The following NELL1 variants were observed in gnomAD, a reference collection of about 807,000 sequenced individuals.
NELL1 encodes protein kinase C-binding protein NELL1.
In NELL1, 76 loss-of-function variants were observed where a neutral mutation model predicts 107.4. The ratio of observed to expected loss-of-function variants is 0.71; its 90% CI spans 0.59 to 0.86. The LOEUF is 0.86. Among genes scored for constraint, NELL1 ranks in the 40% least tolerant of loss-of-function variants. The probability of loss-of-function intolerance (pLI) is 0.00; values close to 1 mark genes in which losing one functional copy is unlikely to be tolerated. For synonymous variants in NELL1, 353 were observed against 341.2 expected (o/e 1.03, Z -0.38); for missense variants, 1,024 against 1,005.5 (o/e 1.02, Z -0.25).
At chr11:21,527,958 A>C (rs1308664616) in intron 15 of NELL1, among the ~76,000 whole-genome samples, 1 of 152,234 alleles carries the variant, frequency 6.6e-6, no homozygotes, top group Non-Finnish European at 1.5e-5. Context: ...ATTGACTCAA[A>C]TGTTAATCTC....
intron 5 of NELL1, among the ~76,000 whole-genome samples, chr11:20,903,479 T>G (rs1260216105): frequency 6.6e-6 from 1 of 152,020 alleles, no homozygotes; most frequent in Non-Finnish European, 1.5e-5. Flanking sequence ...AACTGACACA[T>G]TTTTTTCACA....
At chr11:21,494,283 T>G (rs1283482918) in intron 15 of NELL1, among the ~76,000 whole-genome samples, 5 of 151,994 alleles carry the variant, frequency 3.3e-5, no homozygotes, top group Non-Finnish European at 7.4e-5. Flanking sequence ...AGAGCACTTG[T>G]AACGCATAAA....
intron 13 of NELL1, among the ~76,000 whole-genome samples, chr11:21,161,358 C>T (rs1856364832): frequency 6.6e-6 from 1 of 151,998 alleles, no homozygotes; most frequent in Admixed American, 6.6e-5. Flanking sequence ...GCCAACATAG[C>T]AAAACCTGTC....
At chr11:21,467,266 G>A (rs1266687851) in intron 15 of NELL1, among the ~76,000 whole-genome samples, 1 of 152,016 alleles carries the variant, frequency 6.6e-6, no homozygotes, top group Non-Finnish European at 1.5e-5. Context: ...GCTGTAAATT[G>A]GAGATAGCAA....
intron 12 of NELL1, among the ~76,000 whole-genome samples, chr11:21,071,302 G>A (rs1854008054): frequency 6.6e-6 from 1 of 152,264 alleles, no homozygotes; most frequent in South Asian, 2.1e-4. Context: ...AGTAACTCCA[G>A]TGCCCATAGC....
At chr11:21,199,513 C>A (rs1051525281) in intron 13 of NELL1, among the ~76,000 whole-genome samples, 1 of 152,038 alleles carries the variant, frequency 6.6e-6, no homozygotes, top group Non-Finnish European at 1.5e-5. Context: ...GTGGCATTCC[C>A]TTTGGTAGTT....
At chr11:20,691,733 G>A in intron 2 of NELL1, among the ~76,000 whole-genome samples, 1 of 151,796 alleles carries the variant, frequency 6.6e-6, no homozygotes, top group Non-Finnish European at 1.5e-5. Context: ...AAGGATATTG[G>A]TCTAAAATTC....
chr11:21,163,870 T>A (rs540474250), intron 13 of NELL1, among the ~76,000 whole-genome samples: 1 of 151,546 alleles, frequency 6.6e-6, no homozygotes, highest in Non-Finnish European at 1.5e-5. Flanking sequence ...TACCATCACA[T>A]TGGGGGTTAA....
rs145364654 is a variant in NELL1 at position 20,886,823 on chromosome 11, A to G, written c.603+1283A>G. ...GTTGTGCACATGTACCCTAGAACTT[A>G]AAGTATAATAAAATAATACCAAAAA... On this transcript the variant is annotated intron_variant, in intron 5 of 19. Transcript: ENST00000357134. Among the ~76,000 whole-genome samples, 613 of 152,342 alleles carry G rather than the reference A, an allele frequency of 4.0e-3. 2 individuals carry two copies. The highest frequency in any genetic ancestry group is 0.014 in the African/African-American group (586 of 41,568).
At chr11:20,988,311 A>G (rs990938970) in intron 12 of NELL1, among the ~76,000 whole-genome samples, 1 of 152,020 alleles carries the variant, frequency 6.6e-6, no homozygotes, top group African/African-American at 2.4e-5. Context: ...TAATTCCACA[A>G]GACCTATTAC....
At chr11:21,528,516 C>CA (rs1336131924) in intron 15 of NELL1, among the ~76,000 whole-genome samples, 9 of 46,058 alleles carry the variant, frequency 2.0e-4, no homozygotes, top group South Asian at 1.4e-3. Flanking sequence ...TACCCACCCC[C>CA]CCCCCCTTTT....
intron 13 of NELL1, among the ~76,000 whole-genome samples, chr11:21,227,165 A>G (rs1857915781): frequency 6.6e-6 from 1 of 152,158 alleles, no homozygotes; most frequent in African/African-American, 2.4e-5. Flanking sequence ...CTTTTGCAAG[A>G]GGACTTTTCT....
rs143768503 is a variant in NELL1 at position 20,723,111 on chromosome 11, T to C, written c.184+45051T>C. 2.6e-5 allele frequency among the ~76,000 whole-genome samples: 4 copies of C among 152,292 alleles called. No individual in the cohort carries two copies. In the East Asian group the frequency reaches 7.7e-4, roughly 29 times the overall value. On this transcript the variant is annotated intron_variant, in intron 2 of 19. Coordinates refer to ENST00000357134, the MANE Select transcript of NELL1 (RefSeq NM_006157.5). ...GACATGTGGGGATTACCATTCAAGA[T>C]GAGATTTGGGTGGGAATACAGAACC...
Position 21,573,337 on chromosome 11 carries a change from C to G in NELL1, c.2310C>G (p.Ser770Arg). 1 of 1,612,502 alleles carries G rather than the reference C, an allele frequency of 6.2e-7. No individual in the cohort carries two copies. Among genetic ancestry groups the G allele is most frequent in the Non-Finnish European group, 8.5e-7 (1 of 1,178,990 alleles). The change falls in exon 19 of 20, where the codon AGC becomes AGG. Residue 770 changes from serine (S) to arginine (R), a missense_variant. Coordinates refer to ENST00000357134, the MANE Select transcript of NELL1 (RefSeq NM_006157.5). ...ACATCAGAAAAACTTGCCTGGACAG[C>G]TATGGTGTTTCACGGCTTAGTGGCT... ...TYDIRKTCLD[S>R]YGVSRLSGSV...
intron 4 of NELL1, among the ~76,000 whole-genome samples, chr11:20,866,886 G>T (rs1407270057): frequency 6.6e-6 from 1 of 152,188 alleles, no homozygotes; most frequent in Non-Finnish European, 1.5e-5. Context: ...TTATTTTAAT[G>T]CTGAGTTCCA....
chr11:21,242,013 T>C (rs1858375032), intron 14 of NELL1, among the ~76,000 whole-genome samples: 1 of 151,776 alleles, frequency 6.6e-6, no homozygotes, highest in African/African-American at 2.4e-5. Flanking sequence ...AAATGACCTA[T>C]TGTTTCACAT....
At chr11:21,356,899 C>T (rs10833516) in intron 14 of NELL1, among the ~76,000 whole-genome samples, 23,589 of 152,090 alleles carry the variant, frequency 0.16, 2,294 homozygotes, top group East Asian at 0.26. Context: ...TGAGAACATA[C>T]GATATTTGGT....
chr11:21,440,771 G>A (rs1036571523), intron 15 of NELL1, among the ~76,000 whole-genome samples: 3 of 152,100 alleles, frequency 2.0e-5, no homozygotes, highest in Admixed American at 6.6e-5. Flanking sequence ...AGAATGGGGA[G>A]GAATAAAAGG....
chr11:21,377,006 T>C (rs1157059871), intron 15 of NELL1, among the ~76,000 whole-genome samples: 1 of 152,128 alleles, frequency 6.6e-6, no homozygotes, highest in African/African-American at 2.4e-5. Flanking sequence ...ACAGTTTGAC[T>C]TCTTCTTTTC....
Sources: allele counts gnomAD v4.1 joint callset (sites outside exome capture counted in the v4.1 genomes callset), GRCh38; gene constraint gnomAD v4.1.1; transcripts MANE v1.5; gene names NCBI Gene and HGNC (gene_info 2026-07-23, HGNC 2026-07-21).